Variants in PRIM2 observed in about 807,000 individuals in gnomAD.
PRIM2 encodes DNA primase large subunit.
A neutral mutation model predicts 67.3 loss-of-function variants in PRIM2; 39 were observed. The ratio of observed to expected loss-of-function variants is 0.58; its 90% CI spans 0.45 to 0.76. The LOEUF (loss-of-function observed/expected upper bound fraction) is 0.76. Among genes scored for constraint, PRIM2 ranks in the 30% least tolerant of loss-of-function variants. PRIM2 has a pLI of 0.00. For missense variants in PRIM2, 398 were observed against 598.7 expected (o/e 0.66, Z 3.50); for synonymous variants, 143 against 198.7 (o/e 0.72, Z 2.36).
chr6:57,437,876 G>C (rs1478016780), intron 7 of PRIM2, among the ~76,000 whole-genome samples: 1 of 152,034 alleles, frequency 6.6e-6, no homozygotes, highest in Non-Finnish European at 1.5e-5. Flanking sequence ...TGTTGCCCAG[G>C]CTGGTTTTGA....
intron 7 of PRIM2, among the ~76,000 whole-genome samples, chr6:57,503,089 T>TA (rs1429385557): frequency 6.6e-6 from 1 of 152,206 alleles, no homozygotes; most frequent in Non-Finnish European, 1.5e-5. Context: ...GGGTAAACCT[T>TA]ACATTCACTC....
At chr6:57,464,200 A>C (rs1167706182) in intron 7 of PRIM2, among the ~76,000 whole-genome samples, 1 of 152,126 alleles carries the variant, frequency 6.6e-6, no homozygotes, top group Non-Finnish European at 1.5e-5. Context: ...TTACTTGATT[A>C]GTCCGTTCCT....
intron 7 of PRIM2, among the ~76,000 whole-genome samples, chr6:57,437,266 C>T (rs532834760): frequency 1.3e-5 from 2 of 152,208 alleles, no homozygotes; most frequent in South Asian, 2.1e-4. Flanking sequence ...ACCCAGTGAC[C>T]TCTCACCAGG....
At chr6:57,400,238 A>T (rs529767241) in intron 7 of PRIM2, among the ~76,000 whole-genome samples, 1 of 152,326 alleles carries the variant, frequency 6.6e-6, no homozygotes, top group East Asian at 1.9e-4. Flanking sequence ...ATTAGCTGGT[A>T]GCAGTCTTTC....
intron 5 of PRIM2, among the ~76,000 whole-genome samples, chr6:57,362,849 T>G (rs2127314439): frequency 1.3e-5 from 2 of 152,264 alleles, no homozygotes. Context: ...ATAGGCATTC[T>G]GCCAATTAAC....
the PRIM2 span, among the ~76,000 whole-genome samples, chr6:57,279,966 T>TGTAA: frequency 7.9e-5 from 12 of 152,202 alleles, no homozygotes; most frequent in African/African-American, 2.9e-4. Flanking sequence ...GTTTGGGGCC[T>TGTAA]GTAAGTAGCT....
the PRIM2 span, chr6:57,222,299 G>C: frequency 1.3e-5 from 2 of 152,260 alleles, no homozygotes; most frequent in Non-Finnish European, 2.9e-5. Flanking sequence ...CCGCCGCGCT[G>C]CGGAGCATGC....
At chr6:57,272,094 C>T in the PRIM2 span, among the ~76,000 whole-genome samples, 321 of 152,172 alleles carry the variant, frequency 2.1e-3, 2 homozygotes, top group African/African-American at 7.3e-3. Context: ...CTGAAAGGAA[C>T]GTATATTCTA....
intron 13 of PRIM2, among the ~76,000 whole-genome samples, chr6:57,637,372 C>T (rs1777140126): frequency 2.0e-5 from 3 of 152,084 alleles, no homozygotes; most frequent in Admixed American, 1.3e-4. Context: ...CACAACTCCT[C>T]ACCAGCAAGG....
chr6:57,399,539 C>A (rs1387536638), intron 7 of PRIM2, among the ~76,000 whole-genome samples: 1 of 152,166 alleles, frequency 6.6e-6, no homozygotes, highest in Non-Finnish European at 1.5e-5. Context: ...GATTTATAAT[C>A]CTTTGGATAT....
chr6:57,270,919 C>A, the PRIM2 span, among the ~76,000 whole-genome samples: 600 of 148,550 alleles, frequency 4.0e-3, 10 homozygotes, highest in African/African-American at 0.015. Context: ...TGTTTATATG[C>A]TGGATTACAC....
At chr6:57,461,157 G>A (rs1300172413) in intron 7 of PRIM2, among the ~76,000 whole-genome samples, 1 of 152,232 alleles carries the variant, frequency 6.6e-6, no homozygotes, top group Non-Finnish European at 1.5e-5. Flanking sequence ...AACTCGTGGG[G>A]AAGAAATGGG....
chr6:57,637,548 T>G (rs1777143035), intron 13 of PRIM2, among the ~76,000 whole-genome samples: 1 of 151,778 alleles, frequency 6.6e-6, no homozygotes, highest in Admixed American at 6.6e-5. Context: ...AATAACCAGT[T>G]TAGAGAACAT....
chr6:57,258,386 A>T, the PRIM2 span, among the ~76,000 whole-genome samples: 2,087 of 146,854 alleles, frequency 0.014, 140 homozygotes, highest in Admixed American at 0.12. Context: ...AATGAGGTTT[A>T]AAAAAAAAAG....
intron 10 of PRIM2, among the ~76,000 whole-genome samples, chr6:57,550,314 C>G (rs1775375540): frequency 6.6e-6 from 1 of 151,986 alleles, no homozygotes. Context: ...TTGATGCTTT[C>G]CATAGCATGT....
chr6:57,333,458 G>C (rs1201002622), intron 5 of PRIM2, among the ~76,000 whole-genome samples: 1 of 152,108 alleles, frequency 6.6e-6, no homozygotes, highest in Non-Finnish European at 1.5e-5. Flanking sequence ...CCACTCTCTT[G>C]TGTAGTGAAC....
chr6:57,279,760 A>G, the PRIM2 span, among the ~76,000 whole-genome samples: 1 of 152,232 alleles, frequency 6.6e-6, no homozygotes, highest in African/African-American at 2.4e-5. Flanking sequence ...AATCACAGAC[A>G]AGTGGGTGAG....
At chr6:57,599,379 C>T (rs1302714437) in intron 10 of PRIM2, among the ~76,000 whole-genome samples, 1 of 151,466 alleles carries the variant, frequency 6.6e-6, no homozygotes, top group Non-Finnish European at 1.5e-5. Context: ...AAAATAAGAA[C>T]TTCCAGTTAA....
At chr6:57,292,095 C>T in the PRIM2 span, among the ~76,000 whole-genome samples, 1 of 152,138 alleles carries the variant, frequency 6.6e-6, no homozygotes, top group South Asian at 2.1e-4. Flanking sequence ...ATTTAGAAAA[C>T]CCCATCGTCT....
Sources: gnomAD v4.1 joint callset for allele counts (sites outside exome capture counted in the v4.1 genomes callset) on GRCh38, gnomAD v4.1.1 for gene constraint, MANE v1.5 for transcripts, NCBI Gene and HGNC (gene_info 2026-07-23, HGNC 2026-07-21) for gene names.